The following ASCC3 variants were observed in gnomAD, a reference collection of about 807,000 sequenced individuals.
ASCC3 encodes ASC-1 complex subunit P200.
In ASCC3, 158 loss-of-function variants were observed where a neutral mutation model predicts 256.3. That is an observed-to-expected ratio of 0.62 (90% confidence interval 0.54 to 0.70). The LOEUF (loss-of-function observed/expected upper bound fraction) is 0.70. ASCC3 is among the 30% of genes least tolerant of loss of function. The pLI, the probability that ASCC3 is intolerant of heterozygous loss-of-function variation, is 0.00. For missense variants in ASCC3, 2,259 were observed against 2,626.0 expected (o/e 0.86, Z 3.05); for synonymous variants, 948 against 883.4 (o/e 1.07, Z -1.30).
intron 36 of ASCC3, among the ~76,000 whole-genome samples, chr6:100,552,732 T>C (rs1196739278): frequency 6.6e-6 from 1 of 151,846 alleles, no homozygotes; most frequent in Non-Finnish European, 1.5e-5. Context: ...AATGCAACAT[T>C]TCTGAAAGAA....
intron 30 of ASCC3, among the ~76,000 whole-genome samples, chr6:100,620,082 T>C (rs1773871218): frequency 6.6e-6 from 1 of 152,280 alleles, no homozygotes; most frequent in South Asian, 2.1e-4. Context: ...ACCTTTGTTG[T>C]TTATGGGCAG....
intron 20 of ASCC3, among the ~76,000 whole-genome samples, 197 bp from the exon 21 acceptor site, chr6:100,647,648 G>C (rs1445442092): frequency 3.3e-5 from 5 of 152,010 alleles, no homozygotes; most frequent in Non-Finnish European, 2.9e-5. Context: ...TTTATATGTG[G>C]ATGCTACTTG....
intron 30 of ASCC3, among the ~76,000 whole-genome samples, chr6:100,623,271 A>G (rs1187604749): frequency 8.5e-5 from 13 of 152,186 alleles, no homozygotes. Context: ...ATACCCATAC[A>G]AGTAACATTA....
intron 3 of ASCC3, among the ~76,000 whole-genome samples, chr6:100,853,449 T>C (rs1772788634): frequency 7.3e-6 from 1 of 137,710 alleles, no homozygotes; most frequent in East Asian, 2.1e-4. Flanking sequence ...TGAGACGGAG[T>C]CTTGCTCTGT....
chr6:100,550,355 AC>A (rs1769227928), intron 36 of ASCC3, among the ~76,000 whole-genome samples: 1 of 151,898 alleles, frequency 6.6e-6, no homozygotes, highest in Non-Finnish European at 1.5e-5. Context: ...TTTCTTCAGT[AC>A]TATGTAGGTC....
At chr6:100,613,271 G>A (rs146772518) in intron 30 of ASCC3, among the ~76,000 whole-genome samples, 1 of 151,560 alleles carries the variant, frequency 6.6e-6, no homozygotes, top group South Asian at 2.1e-4. Context: ...ACCCTTCCAA[G>A]TCTCCATTGT....
chr6:100,870,584 A>G (rs959727400), intron 1 of ASCC3, among the ~76,000 whole-genome samples: 1 of 152,224 alleles, frequency 6.6e-6, no homozygotes, highest in Non-Finnish European at 1.5e-5. Flanking sequence ...TTGCACTGCA[A>G]ATCAGTAAAG....
chr6:100,870,648 G>A (rs1773698989), intron 1 of ASCC3, among the ~76,000 whole-genome samples: 1 of 152,108 alleles, frequency 6.6e-6, no homozygotes, highest in Non-Finnish European at 1.5e-5. Flanking sequence ...ACATCACATT[G>A]GAGAATTTTA....
chr6:100,874,423 A>C (rs1773892947), intron 1 of ASCC3, among the ~76,000 whole-genome samples: 1 of 134,482 alleles, frequency 7.4e-6, no homozygotes, highest in South Asian at 2.6e-4. Flanking sequence ...CAGAGATCGC[A>C]CCATTGCATT....
intron 33 of ASCC3, among the ~76,000 whole-genome samples, chr6:100,602,416 C>A (rs1031868945): frequency 1.3e-5 from 2 of 151,910 alleles, no homozygotes; most frequent in Non-Finnish European, 2.9e-5. Context: ...CACTACCAAT[C>A]ATTTTTGGAA....
At chr6:100,757,386 A>G (rs1781230234) in intron 10 of ASCC3, among the ~76,000 whole-genome samples, 2 of 152,242 alleles carry the variant, frequency 1.3e-5, no homozygotes, top group South Asian at 4.1e-4. Context: ...TGATGACAAA[A>G]TGGCTTTCTT....
At chr6:100,859,177 C>T (rs1562350284) in intron 3 of ASCC3, 1 of 779,928 alleles carries the variant, frequency 1.3e-6, no homozygotes, top group Non-Finnish European at 2.4e-6. Context: ...CATCCAGCCT[C>T]CTCTTCTGGA....
chr6:100,611,758 ATAGCTAG>A (rs1773410625), intron 30 of ASCC3, among the ~76,000 whole-genome samples: 1 of 151,916 alleles, frequency 6.6e-6, no homozygotes, highest in Non-Finnish European at 1.5e-5. Flanking sequence ...TTTTCTAGTG[ATAGCTAG>A]TACTTTTCTA....
chr6:100,558,979 T>C (rs990611673), intron 36 of ASCC3, among the ~76,000 whole-genome samples: 2 of 152,146 alleles, frequency 1.3e-5, no homozygotes, highest in East Asian at 1.9e-4. Flanking sequence ...AATTGAGTAT[T>C]GAGCATACTC....
intron 36 of ASCC3, among the ~76,000 whole-genome samples, chr6:100,561,012 T>C (rs1013995889): frequency 6.6e-6 from 1 of 152,022 alleles, no homozygotes; most frequent in Non-Finnish European, 1.5e-5. Context: ...TATATGCATT[T>C]CCAAATTCTC....
At chr6:100,592,007 T>C (rs878899181) in intron 34 of ASCC3, among the ~76,000 whole-genome samples, 1 of 151,912 alleles carries the variant, frequency 6.6e-6, no homozygotes, top group Admixed American at 6.6e-5. Flanking sequence ...CAAGGTATAT[T>C]TCAATGGATT....
chr6:100,872,993 C>CA (rs541585805), intron 1 of ASCC3, among the ~76,000 whole-genome samples: 39 of 152,042 alleles, frequency 2.6e-4, no homozygotes, highest in East Asian at 1.7e-3. Context: ...ACACCCCCCC[C>CA]AAAAAATCAC....
intron 37 of ASCC3, chr6:100,530,853 T>C: frequency 7.9e-7 from 1 of 1,263,142 alleles, no homozygotes; most frequent in Non-Finnish European, 1.2e-6. Context: ...ATTTAAATTC[T>C]TAGACTTATG....
intron 8 of ASCC3, among the ~76,000 whole-genome samples, chr6:100,771,734 A>T (rs987949196): frequency 6.6e-6 from 1 of 151,902 alleles, no homozygotes; most frequent in Non-Finnish European, 1.5e-5. Context: ...GCTAACATTT[A>T]AAAAATTGGC....
Sources: allele counts gnomAD v4.1 joint callset (sites outside exome capture counted in the v4.1 genomes callset), GRCh38; gene constraint gnomAD v4.1.1; transcripts MANE v1.5; gene names NCBI Gene and HGNC (gene_info 2026-07-23, HGNC 2026-07-21).